Variants in TEX11 observed in about 807,000 individuals in gnomAD.
The protein encoded by TEX11 is testis expressed 11.
A neutral mutation model predicts 84.4 loss-of-function variants in TEX11; 7 were observed. The observed-to-expected ratio is 0.08, with a 90% CI of 0.05 to 0.16. The LOEUF (loss-of-function observed/expected upper bound fraction) is 0.16. TEX11 is among the 10% of genes least tolerant of loss of function. The pLI, the probability that TEX11 is intolerant of heterozygous loss-of-function variation, is 1.00. For missense variants in TEX11, 551 were observed against 660.5 expected (o/e 0.83, Z 1.82); for synonymous variants, 264 against 222.8 (o/e 1.18, Z -1.64).
intron 28 of TEX11, among the ~76,000 whole-genome samples, chrX:70,549,897 T>C (rs2088191076): frequency 8.9e-6 from 1 of 112,402 alleles, no homozygotes; most frequent in Non-Finnish European, 1.9e-5. Context: ...CCCTAAGGCA[T>C]TGAGCAAACA....
intron 16 of TEX11, among the ~76,000 whole-genome samples, chrX:70,661,865 T>C (rs993912911): frequency 8.9e-6 from 1 of 111,742 alleles, no homozygotes; most frequent in Non-Finnish European, 1.9e-5. Context: ...AAACCTCATC[T>C]GTACATTACC....
At chrX:70,573,575 T>C (rs2088634101) in intron 25 of TEX11, among the ~76,000 whole-genome samples, 1 of 111,433 alleles carries the variant, frequency 9.0e-6, no homozygotes, top group Admixed American at 9.6e-5. Context: ...TTCTTACCCA[T>C]GAGAACTAAT....
the TEX11 span, among the ~76,000 whole-genome samples, chrX:70,521,569 G>A: frequency 5.2e-4 from 58 of 111,544 alleles, no homozygotes; most frequent in African/African-American, 1.8e-3. Context: ...GAGCCACCTC[G>A]CCTGGCCTAG....
intron 8 of TEX11, among the ~76,000 whole-genome samples, chrX:70,831,828 G>C (rs1020955973): frequency 9.0e-6 from 1 of 111,302 alleles, no homozygotes. Flanking sequence ...TGGCTTGATT[G>C]TGGTGATCTT....
At chrX:70,567,371 AT>A (rs1209547856) in intron 25 of TEX11, among the ~76,000 whole-genome samples, 1 of 111,305 alleles carries the variant, frequency 9.0e-6, no homozygotes, top group Non-Finnish European at 1.9e-5. Context: ...GGATTCATGA[AT>A]TTTTTGAAGG....
At chrX:70,560,707 A>G (rs1193053084) in intron 25 of TEX11, among the ~76,000 whole-genome samples, 1 of 109,460 alleles carries the variant, frequency 9.1e-6, no homozygotes, top group Non-Finnish European at 1.9e-5. Flanking sequence ...ATATTCTCCT[A>G]TGATTTTTCA....
At chrX:70,638,796 CAA>C (rs746998217) in intron 17 of TEX11, among the ~76,000 whole-genome samples, 2 of 53,969 alleles carry the variant, frequency 3.7e-5, no homozygotes, top group Non-Finnish European at 6.3e-5. Flanking sequence ...GCAACTGTCT[CAA>C]AAAAAAAAAA....
chrX:70,630,348 A>G lies in TEX11; in HGVS notation c.1484-613T>C, dbSNP rs148146201. ...AAAAAAAAGAGTAAAATATGAAATC[A>G]GCCTAAATTCCATCATAATTAATGG... On this transcript the variant is annotated intron_variant, in intron 17 of 29. Transcript: ENST00000374333. 9.8e-3 allele frequency among the ~76,000 whole-genome samples: 1,068 copies of G among 109,407 alleles called. 15 individuals are homozygous for G. Among genetic ancestry groups the G allele is most frequent in the African/African-American group, 0.032 (973 of 30,082 alleles).
rs752912351 is a variant in TEX11, at chrX:70,673,918, G to A, written c.1243-3404C>T. Among the ~76,000 whole-genome samples the A allele has an allele frequency of 6.3e-5, 7 of 111,390 alleles. No individual in the cohort carries two copies. The East Asian group carries it at 2.0e-3, about 31-fold the overall frequency. ...TTTCTTTTTATAATTTTTATTTTAG[G>A]TTTAGGGGTACAGGTGAAGGTTTGT... On this transcript the variant is annotated intron_variant, in intron 15 of 29. Coordinates refer to ENST00000374333, the MANE Select transcript of TEX11 (RefSeq NM_031276.3).
intron 15 of TEX11, among the ~76,000 whole-genome samples, chrX:70,671,649 A>G (rs2090022607): frequency 9.2e-6 from 1 of 108,219 alleles, no homozygotes; most frequent in Non-Finnish European, 1.9e-5. Context: ...GAATACGAAT[A>G]TCATTCTATC....
chrX:70,777,047 A>AT (rs1355495310), intron 9 of TEX11, among the ~76,000 whole-genome samples: 151 of 102,825 alleles, frequency 1.5e-3, no homozygotes, highest in African/African-American at 3.0e-3. Context: ...TATTATTATT[A>AT]TTTTTTTTTT....
chrX:70,542,394 A>AC (rs1408112984), intron 28 of TEX11, among the ~76,000 whole-genome samples: 1 of 111,348 alleles, frequency 9.0e-6, no homozygotes, highest in African/African-American at 3.3e-5. Flanking sequence ...TTTATGATCC[A>AC]CCCACTCTAT....
At chrX:70,742,555 C>T (rs1225109023) in intron 10 of TEX11, among the ~76,000 whole-genome samples, 1 of 108,317 alleles carries the variant, frequency 9.2e-6, no homozygotes, top group East Asian at 2.9e-4. Flanking sequence ...AAAGTGAGAC[C>T]CCCGTCTCTA....
At chrX:70,776,051 GAA>G (rs150813306) in intron 9 of TEX11, among the ~76,000 whole-genome samples, 1 of 62,657 alleles carries the variant, frequency 1.6e-5, no homozygotes, top group Non-Finnish European at 3.6e-5. Context: ...AGATTTCTCA[GAA>G]AAAAAAAAAA....
rs376720264 is a variant in TEX11 at position 70,704,079 on chromosome X, A to ATCTC, written c.1004+18535_1004+18538dup. 4.9e-3 allele frequency among the ~76,000 whole-genome samples: 473 copies of ATCTC among 96,558 alleles called. 5 individuals carry two copies. The highest frequency in any genetic ancestry group is 0.015 in the African/African-American group (404 of 26,333). The allele number at this position is 96,558 out of a possible 115,157, so 83.8% of individuals were successfully genotyped here. A position where few individuals can be genotyped will look rare whatever the true frequency, so the allele number is the denominator to read the frequency against. ...ATCTGGTCATTTCAAAGTGTGTGGT[A>ATCTC]TCTCTCTCTCTCTCTCTCTCTCCCT... On this transcript the variant is annotated intron_variant, in intron 13 of 29. Transcript: ENST00000374333.
chrX:70,846,245 G>T (rs941316013), intron 7 of TEX11: 2 of 111,601 alleles, frequency 1.8e-5, no homozygotes, highest in Admixed American at 9.6e-5. Flanking sequence ...CACGTTCAGA[G>T]AAACTTCTCT....
At chrX:70,564,974 T>G (rs1363070273) in intron 25 of TEX11, among the ~76,000 whole-genome samples, 14 of 107,891 alleles carry the variant, frequency 1.3e-4, no homozygotes, top group Non-Finnish European at 2.3e-4. Flanking sequence ...CCTGAGGAAT[T>G]GCCACACTGA....
chrX:70,674,843 C>T (rs2090055931), intron 15 of TEX11, among the ~76,000 whole-genome samples: 1 of 109,993 alleles, frequency 9.1e-6, no homozygotes, highest in Non-Finnish European at 1.9e-5. Flanking sequence ...TATCATCTTG[C>T]TATTTGTCTT....
At chrX:70,902,924 T>G (rs1037805644) in intron 2 of TEX11, among the ~76,000 whole-genome samples, 4 of 112,341 alleles carry the variant, frequency 3.6e-5, no homozygotes, top group Non-Finnish European at 7.5e-5. Context: ...TTCTATAAGC[T>G]TTTTTCTGTT....
Sources: allele counts gnomAD v4.1 joint callset (sites outside exome capture counted in the v4.1 genomes callset), GRCh38; gene constraint gnomAD v4.1.1; transcripts MANE v1.5; gene names NCBI Gene and HGNC (gene_info 2026-07-23, HGNC 2026-07-21).